TTC29: variants seen among roughly 807,000 people sequenced by gnomAD.
TTC29 encodes the protein tetratricopeptide repeat protein 29.
In TTC29, 49 loss-of-function variants were observed where a neutral mutation model predicts 58.1. That is an observed-to-expected ratio of 0.84 (90% CI 0.67 to 1.07). The LOEUF is 1.07. Among genes scored for constraint, TTC29 ranks in the 50% least tolerant of loss-of-function variants. TTC29 has a pLI of 0.00. For missense variants in TTC29, 582 were observed against 555.6 expected, an observed-to-expected ratio of 1.05 and a Z score of -0.48; for synonymous variants, 209 against 196.8, an observed-to-expected ratio of 1.06 and a Z score of -0.52.
At position 146,709,925 on chromosome 4, in the gene TTC29, T is replaced by G. The variant is rs534435031; in HGVS notation, c.1331-2374A>C. Among the ~76,000 whole-genome samples, 3 of 152,260 alleles carry G rather than the reference T, an allele frequency of 2.0e-5. No homozygotes were observed. In the East Asian group the frequency reaches 5.8e-4, roughly 29 times the overall value. On this transcript the variant is annotated intron_variant, in intron 11 of 12. Transcript: ENST00000325106. ...AACTGCCTAAGGCCTATCCCTCTAC[T>G]TCTTCACTAGACCTCATGCCCTCTT...
intron 4 of TTC29, among the ~76,000 whole-genome samples, chr4:146,931,670 C>CT (rs929046011): frequency 6.6e-6 from 1 of 152,132 alleles, no homozygotes. Context: ...TTAGAGACAT[C>CT]TTTTTTTAAT....
chr4:146,774,577 G>C (rs1747955338), intron 11 of TTC29, among the ~76,000 whole-genome samples: 1 of 152,134 alleles, frequency 6.6e-6, no homozygotes, highest in Non-Finnish European at 1.5e-5. Flanking sequence ...GCTGTGATCT[G>C]AGAGTGTACT....
chr4:146,836,231 T>C (rs1400375940), intron 8 of TTC29, among the ~76,000 whole-genome samples: 1 of 152,148 alleles, frequency 6.6e-6, no homozygotes, highest in Non-Finnish European at 1.5e-5. Flanking sequence ...CTGGTAGGAG[T>C]GTCCCTCCTC....
intron 4 of TTC29, among the ~76,000 whole-genome samples, chr4:146,935,149 G>T (rs1052040238): frequency 2.0e-5 from 3 of 152,054 alleles, no homozygotes; most frequent in African/African-American, 7.2e-5. Flanking sequence ...GTAAGGGGAT[G>T]AGATGCAGAG....
At chr4:146,868,464 A>G (rs1423236041) in intron 7 of TTC29, among the ~76,000 whole-genome samples, 1 of 152,174 alleles carries the variant, frequency 6.6e-6, no homozygotes, top group African/African-American at 2.4e-5. Context: ...TTTGAAATCC[A>G]AACACTTTTC....
intron 4 of TTC29, among the ~76,000 whole-genome samples, chr4:146,929,615 T>C (rs1489063433): frequency 1.3e-5 from 2 of 152,286 alleles, no homozygotes; most frequent in East Asian, 3.9e-4. Context: ...AGGCTATTTT[T>C]CTGGAGCTTT....
At chr4:146,712,893 G>T (rs373949593) in intron 11 of TTC29, among the ~76,000 whole-genome samples, 2 of 152,232 alleles carry the variant, frequency 1.3e-5, no homozygotes, top group African/African-American at 4.8e-5. Context: ...TCTAAATCTA[G>T]AAGTAGCAGT....
chr4:146,940,131 C>G (rs1736238874), intron 2 of TTC29, among the ~76,000 whole-genome samples: 1 of 152,082 alleles, frequency 6.6e-6, no homozygotes, highest in Non-Finnish European at 1.5e-5. Context: ...TTGTCTGTAT[C>G]TTCAGCACAA....
chr4:146,904,242 A>G (rs191131443), intron 5 of TTC29, among the ~76,000 whole-genome samples: 85 of 152,282 alleles, frequency 5.6e-4, no homozygotes, highest in African/African-American at 1.9e-3. Flanking sequence ...GATACAACAA[A>G]TGATGATCAG....
At position 146,751,231 on chromosome 4, in the gene TTC29, A is replaced by T. The variant is rs1022950695; in HGVS notation, c.1331-43680T>A. On this transcript the variant is annotated intron_variant, in intron 11 of 12. Transcript: ENST00000325106. ...ATACATAAAGCAAATATCGATGAAC[A>T]CAAAGAGAAAAATAGATAGCAGTAC... Among the ~76,000 whole-genome samples the T allele has an allele frequency of 4.6e-5, 7 of 152,230 alleles. No individual in the cohort carries two copies. In the East Asian group the frequency reaches 1.3e-3, roughly 29 times the overall value.
intron 2 of TTC29, among the ~76,000 whole-genome samples, chr4:146,943,643 G>A (rs73855101): frequency 0.1 from 15,337 of 152,132 alleles, 1,601 homozygotes; most frequent in African/African-American, 0.27. Context: ...GATAATGTGT[G>A]ATCTGAATTT....
intron 11 of TTC29, among the ~76,000 whole-genome samples, chr4:146,791,636 T>A (rs1749458488): frequency 1.3e-5 from 2 of 152,218 alleles, no homozygotes; most frequent in Admixed American, 6.5e-5. Context: ...AGGCATTGCA[T>A]AACTCTCACT....
At chr4:146,720,363 C>T (rs1176053343) in intron 11 of TTC29, among the ~76,000 whole-genome samples, 1 of 152,090 alleles carries the variant, frequency 6.6e-6, no homozygotes, top group Non-Finnish European at 1.5e-5. Flanking sequence ...GAAAAACCCC[C>T]AGAAGGCCTA....
At chr4:146,807,510 A>G (rs1032134978) in intron 10 of TTC29, among the ~76,000 whole-genome samples, 1 of 152,292 alleles carries the variant, frequency 6.6e-6, no homozygotes, top group South Asian at 2.1e-4. Flanking sequence ...AATCAAGAAG[A>G]AAAGAGAGAA....
intron 11 of TTC29, among the ~76,000 whole-genome samples, chr4:146,758,587 G>A (rs913831450): frequency 2.6e-5 from 4 of 152,000 alleles, no homozygotes; most frequent in Non-Finnish European, 5.9e-5. Flanking sequence ...CCATAAGATA[G>A]GCCATAAAAC....
intron 8 of TTC29, among the ~76,000 whole-genome samples, chr4:146,859,778 T>C (rs2150197142): frequency 6.6e-6 from 1 of 152,226 alleles, no homozygotes; most frequent in South Asian, 2.1e-4. Context: ...GAATATCCTG[T>C]GATAGACAAA....
chr4:146,852,641 C>T (rs1427055728), intron 8 of TTC29, among the ~76,000 whole-genome samples: 1 of 152,206 alleles, frequency 6.6e-6, no homozygotes, highest in Non-Finnish European at 1.5e-5. Flanking sequence ...TTCTCTAGCT[C>T]TTGCTCCCTA....
intron 11 of TTC29, among the ~76,000 whole-genome samples, chr4:146,716,649 A>G (rs1242283813): frequency 6.6e-6 from 1 of 152,234 alleles, no homozygotes; most frequent in East Asian, 1.9e-4. Flanking sequence ...TTTCCAAAGA[A>G]GAGATACTGT....
chr4:146,720,230 G>A (rs1373915154), intron 11 of TTC29, among the ~76,000 whole-genome samples: 1 of 152,108 alleles, frequency 6.6e-6, no homozygotes, highest in African/African-American at 2.4e-5. Flanking sequence ...AAGACTCTAA[G>A]ATGTAAAATA....
Sources: gnomAD v4.1 joint callset for allele counts (sites outside exome capture counted in the v4.1 genomes callset) on GRCh38, gnomAD v4.1.1 for gene constraint, MANE v1.5 for transcripts, NCBI Gene and HGNC (gene_info 2026-07-23, HGNC 2026-07-21) for gene names.